Variants in ALKBH8 observed in about 807,000 individuals in gnomAD.
ALKBH8 encodes the protein tRNA (carboxymethyluridine(34)-5-O)-methyltransferase ALKBH8.
A neutral mutation model predicts 59.8 loss-of-function variants in ALKBH8; 36 were observed. That is an observed-to-expected ratio of 0.60 (90% CI 0.46 to 0.79). ALKBH8 has a LOEUF of 0.79. Ranked by LOEUF, ALKBH8 falls within the 30% of genes least tolerant of loss-of-function variation. The probability of loss-of-function intolerance (pLI) is 0.00; values close to 1 mark genes in which losing one functional copy is unlikely to be tolerated. For missense variants in ALKBH8, 768 were observed against 801.0 expected (o/e 0.96, Z 0.50); for synonymous variants, 276 against 273.6 (o/e 1.01, Z -0.09).
intron 5 of ALKBH8, among the ~76,000 whole-genome samples, chr11:107,552,180 T>C (rs1011670247): frequency 1.3e-5 from 2 of 151,864 alleles, no homozygotes; most frequent in South Asian, 2.1e-4. Context: ...AATAAAATTA[T>C]AAAAATATAC....
intron 10 of ALKBH8, among the ~76,000 whole-genome samples, chr11:107,517,236 C>T (rs1289516627): frequency 6.6e-6 from 1 of 152,090 alleles, no homozygotes; most frequent in African/African-American, 2.4e-5. Flanking sequence ...CTTGTTAGAT[C>T]TGGCCATTAT....
At chr11:107,526,242 A>G (rs111483206) in intron 8 of ALKBH8, among the ~76,000 whole-genome samples, 450 of 152,092 alleles carry the variant, frequency 3.0e-3, no homozygotes, top group Non-Finnish European at 4.7e-3. Flanking sequence ...AATATATGAG[A>G]GAGTTCCAGG....
rs1864420912 is a variant in ALKBH8, at chr11:107,549,890, A to G, written c.701-67T>C. The G allele has an allele frequency of 4.5e-6, 5 of 1,103,706 alleles. No homozygotes were observed. In the Admixed American group the frequency reaches 6.3e-5, roughly 14 times the overall value. 68.4% of individuals were successfully genotyped at this position (1,103,706 alleles called of 1,614,324 possible). On this transcript the variant is annotated intron_variant, in intron 6 of 11. Transcript: ENST00000428149. ...TTTAGTAGATTTAAGATGGCTATAA[A>G]TGTAGCCTTATGCTATTAAGGTGAA...
chr11:107,557,541 C>T (rs1014020553), intron 2 of ALKBH8, among the ~76,000 whole-genome samples: 1 of 152,070 alleles, frequency 6.6e-6, no homozygotes, highest in Admixed American at 6.6e-5. Flanking sequence ...CCAGGATCCG[C>T]ACTTTTAATA....
chr11:107,561,012 A>T (rs768439908), intron 1 of ALKBH8, 113 bp from the exon 2 acceptor site: 14 of 985,922 alleles, frequency 1.4e-5, no homozygotes, highest in Middle Eastern at 3.3e-4. Flanking sequence ...ACAATTTTTT[A>T]AAAATGCTTC....
In ALKBH8 at chr11:107,539,502, G is replaced by A. The variant is rs142823002; in HGVS notation, c.772-7096C>T. On this transcript the variant is annotated intron_variant, in intron 7 of 11. Coordinates refer to ENST00000428149, the MANE Select transcript of ALKBH8 (RefSeq NM_138775.3). ...TAGTCCCAGCTACTTGGGAGGCTGAGGCAAGAGAATCACTTGAACCCAGGA... is the reference window on the plus strand; with the variant it reads ...TAGTCCCAGCTACTTGGGAGGCTGAAGCAAGAGAATCACTTGAACCCAGGA... Among the ~76,000 whole-genome samples, 24 of 152,202 alleles carry A rather than the reference G, an allele frequency of 1.6e-4. No individual in the cohort carries two copies. In the East Asian group the frequency reaches 3.9e-3, roughly 24 times the overall value.
chr11:107,532,807 G>A (rs1163789675), intron 7 of ALKBH8, among the ~76,000 whole-genome samples: 1 of 152,024 alleles, frequency 6.6e-6, no homozygotes, highest in Non-Finnish European at 1.5e-5. Flanking sequence ...CACAGGACAA[G>A]CCATTTAACC....
chr11:107,520,333 AT>A (rs1350574325), intron 10 of ALKBH8, among the ~76,000 whole-genome samples: 1 of 152,172 alleles, frequency 6.6e-6, no homozygotes. Flanking sequence ...TGTACTTATG[AT>A]TTTCTAATCC....
intron 8 of ALKBH8, among the ~76,000 whole-genome samples, chr11:107,528,520 G>A (rs1380016680): frequency 6.6e-6 from 1 of 152,176 alleles, no homozygotes; most frequent in Admixed American, 6.5e-5. Flanking sequence ...AACTATGGTA[G>A]TGAACAAAGT....
In ALKBH8 at chr11:107,525,495, C is replaced by T. The variant is rs1304397702; in HGVS notation, c.976G>A (p.Gly326Arg). 1.0e-5 allele frequency: 16 copies of T among 1,543,526 alleles called. No individual in the cohort carries two copies. The Admixed American group carries it at 2.4e-4, about 23-fold the overall frequency. Residue 326 changes from glycine to arginine, a missense_variant, in exon 9 of 12, where the codon GGA becomes AGA. By Grantham distance (125) the Gly-to-Arg change is moderately radical (BLOSUM62 -2). Coordinates refer to ENST00000428149, the MANE Select transcript of ALKBH8 (RefSeq NM_138775.3). Reference protein sequence around the residue: ...DVGDLTLSKRGLRTSFTFRKV... With the variant: ...DVGDLTLSKRRLRTSFTFRKV... ...CTAAATGTAAATGATGTTCGTAGTC[C>T]CCTCTTGCTTAAAGTTAAGTCTCCA...
intron 8 of ALKBH8, 122 bp from the exon 9 acceptor site, chr11:107,525,714 C>A (rs531344696): frequency 4.7e-6 from 3 of 644,264 alleles, no homozygotes. Context: ...CTATTGGATT[C>A]CCTGAATTGT....
chr11:107,540,532 T>C (rs532565144), intron 7 of ALKBH8, among the ~76,000 whole-genome samples: 1 of 152,274 alleles, frequency 6.6e-6, no homozygotes, highest in African/African-American at 2.4e-5. Context: ...AAAAAGAAAA[T>C]GCTAAATTGG....
At chr11:107,518,869 T>C (rs1862985986) in intron 10 of ALKBH8, among the ~76,000 whole-genome samples, 2 of 152,156 alleles carry the variant, frequency 1.3e-5, no homozygotes, top group African/African-American at 4.8e-5. Flanking sequence ...ACTTCACACC[T>C]CTATATTTGT....
chr11:107,521,244 C>A (rs1591265749), intron 10 of ALKBH8, among the ~76,000 whole-genome samples: 1 of 152,116 alleles, frequency 6.6e-6, no homozygotes, highest in Non-Finnish European at 1.5e-5. Context: ...TATGGCCCCA[C>A]AAAGAACAGC....
At chr11:107,564,180 G>A (rs1255122971) in intron 1 of ALKBH8, among the ~76,000 whole-genome samples, 2 of 152,150 alleles carry the variant, frequency 1.3e-5, no homozygotes, top group Non-Finnish European at 2.9e-5. Context: ...TACTCTCTGT[G>A]GGATAATGAA....
At chr11:107,551,759 A>T (rs966321407) in intron 6 of ALKBH8, 49 bp downstream of exon 6, 2 of 966,402 alleles carry the variant, frequency 2.1e-6, no homozygotes, top group Non-Finnish European at 3.0e-6. Context: ...TATATCATCT[A>T]CTCAGTTCCA....
intron 11 of ALKBH8, among the ~76,000 whole-genome samples, chr11:107,510,215 C>T (rs899961059): frequency 1.3e-5 from 2 of 151,828 alleles, no homozygotes. Context: ...TGCTGGTGAC[C>T]CATAAGGTGA....
At chr11:107,551,737 C>G in intron 6 of ALKBH8, 71 bp downstream of exon 6, 1 of 580,612 alleles carries the variant, frequency 1.7e-6, no homozygotes, top group South Asian at 3.7e-5. Context: ...AATATATCTG[C>G]CCTTAGAGAA....
chr11:107,518,511 C>CA (rs1182014360), intron 10 of ALKBH8, among the ~76,000 whole-genome samples: 5 of 152,230 alleles, frequency 3.3e-5, no homozygotes, highest in African/African-American at 1.2e-4. Context: ...CCATTATGCC[C>CA]ATGCTGGAAG....
Sources: allele counts gnomAD v4.1 joint callset (sites outside exome capture counted in the v4.1 genomes callset), GRCh38; gene constraint gnomAD v4.1.1; transcripts MANE v1.5; gene names NCBI Gene and HGNC (gene_info 2026-07-23, HGNC 2026-07-21).